Variants in THSD4 observed in about 807,000 individuals in gnomAD.
The protein encoded by THSD4 is thrombospondin type 1 domain containing 4, also known as thrombospondin type-1 domain-containing protein 4.
In THSD4, 69 loss-of-function variants were observed where a neutral mutation model predicts 119.0. That is an observed-to-expected ratio of 0.58 (90% CI 0.48 to 0.71). The LOEUF (loss-of-function observed/expected upper bound fraction) is 0.71, where lower values mean the gene tolerates loss of function less well. Among genes scored for constraint, THSD4 ranks in the 30% least tolerant of loss-of-function variants. THSD4 has a pLI of 0.00. For missense variants in THSD4, 1,393 were observed against 1,391.1 expected (o/e 1.00, Z -0.02); for synonymous variants, 524 against 540.4 (o/e 0.97, Z 0.42).
At chr15:71,209,678 A>AT (rs1270554945) in intron 3 of THSD4, among the ~76,000 whole-genome samples, 1 of 151,832 alleles carries the variant, frequency 6.6e-6, no homozygotes, top group Non-Finnish European at 1.5e-5. Context: ...TTTACCCTAG[A>AT]TTTTCTTAGG....
chr15:71,564,587 C>A (rs1030720019), intron 7 of THSD4, among the ~76,000 whole-genome samples: 6 of 150,500 alleles, frequency 4.0e-5, no homozygotes, highest in East Asian at 1.9e-4. Flanking sequence ...AATTTGGATT[C>A]TTTTGGATAT....
At chr15:71,490,962 A>G (rs1180552942) in intron 7 of THSD4, among the ~76,000 whole-genome samples, 2 of 152,230 alleles carry the variant, frequency 1.3e-5, no homozygotes, top group Non-Finnish European at 2.9e-5. Context: ...TGGCCCCTTA[A>G]TAGAAAGGGT....
intron 7 of THSD4, among the ~76,000 whole-genome samples, chr15:71,625,397 G>C (rs2050490268): frequency 6.6e-6 from 1 of 152,188 alleles, no homozygotes; most frequent in African/African-American, 2.4e-5. Context: ...GGCTCTTCAA[G>C]AGACTAAATC....
chr15:71,424,705 C>A (rs6494924), intron 7 of THSD4, among the ~76,000 whole-genome samples: 93,676 of 152,070 alleles, frequency 0.62, 29,162 homozygotes, highest in African/African-American at 0.71. Context: ...ATTATAATTT[C>A]TATTATTAAA....
chr15:71,347,126 G>T (rs143457369), intron 6 of THSD4, among the ~76,000 whole-genome samples: 2 of 152,118 alleles, frequency 1.3e-5, no homozygotes, highest in South Asian at 4.2e-4. Flanking sequence ...TGCCCGCCTC[G>T]GTGTCCCAAA....
intron 4 of THSD4, among the ~76,000 whole-genome samples, chr15:71,227,757 C>T (rs1011783427): frequency 6.6e-6 from 1 of 152,190 alleles, no homozygotes; most frequent in African/African-American, 2.4e-5. Context: ...CCACCCCGAG[C>T]CCACAATGTG....
intron 7 of THSD4, among the ~76,000 whole-genome samples, chr15:71,644,523 A>C (rs891050528): frequency 2.7e-5 from 4 of 150,580 alleles, no homozygotes; most frequent in South Asian, 2.1e-4. Flanking sequence ...CCAGATTTAC[A>C]AAAAAAAATT....
chr15:71,575,484 A>C (rs1261412659), intron 7 of THSD4, among the ~76,000 whole-genome samples: 1 of 152,234 alleles, frequency 6.6e-6, no homozygotes, highest in African/African-American at 2.4e-5. Context: ...TAAAATCACT[A>C]AAATGAATGA....
chr15:71,464,428 A>G (rs1019540316), intron 7 of THSD4, among the ~76,000 whole-genome samples: 2 of 152,278 alleles, frequency 1.3e-5, no homozygotes, highest in African/African-American at 2.4e-5. Flanking sequence ...ACTGGTAACA[A>G]TGAGTTTCAG....
At chr15:71,738,156 G>T (rs895963506) in intron 11 of THSD4, 149 bp downstream of exon 11, 4 of 1,126,282 alleles carry the variant, frequency 3.6e-6, no homozygotes, top group Non-Finnish European at 5.0e-6. Context: ...GGGGTTGGGG[G>T]ATGGTTTCTG....
chr15:71,160,990 C>A (rs765514758), intron 3 of THSD4, among the ~76,000 whole-genome samples: 6 of 151,918 alleles, frequency 3.9e-5, no homozygotes, highest in Non-Finnish European at 8.8e-5. Context: ...ATTAAAATTT[C>A]CCTTTTAATT....
At chr15:71,628,059 T>C (rs2050542813) in intron 7 of THSD4, among the ~76,000 whole-genome samples, 1 of 152,220 alleles carries the variant, frequency 6.6e-6, no homozygotes, top group African/African-American at 2.4e-5. Flanking sequence ...TAGGATCACC[T>C]GGGAAACATT....
chr15:71,430,596 A>C (rs1393664956), intron 7 of THSD4, among the ~76,000 whole-genome samples: 1 of 151,884 alleles, frequency 6.6e-6, no homozygotes, highest in African/African-American at 2.4e-5. Flanking sequence ...GTCTCTACTA[A>C]AAATACTAAA....
At chr15:71,605,263 A>G (rs1402371760) in intron 7 of THSD4, among the ~76,000 whole-genome samples, 1 of 152,204 alleles carries the variant, frequency 6.6e-6, no homozygotes, top group Non-Finnish European at 1.5e-5. Context: ...TTTGCCTGGG[A>G]CCATCCACAT....
At chr15:71,702,615 A>T (rs560090208) in intron 8 of THSD4, among the ~76,000 whole-genome samples, 1 of 152,294 alleles carries the variant, frequency 6.6e-6, no homozygotes, top group South Asian at 2.1e-4. Context: ...AGCCAACATG[A>T]TTATGTCTCT....
At chr15:71,648,376 C>T (rs2051014359) in intron 7 of THSD4, among the ~76,000 whole-genome samples, 1 of 152,182 alleles carries the variant, frequency 6.6e-6, no homozygotes, top group South Asian at 2.1e-4. Context: ...AAGACCATGA[C>T]CCTACATGCC....
At chr15:71,686,417 A>G (rs1329761717) in intron 8 of THSD4, among the ~76,000 whole-genome samples, 1 of 152,214 alleles carries the variant, frequency 6.6e-6, no homozygotes, top group Non-Finnish European at 1.5e-5. Context: ...AGGGCTATAC[A>G]GTTTATACCA....
chr15:71,554,034 T>A (rs2048975759), intron 7 of THSD4, among the ~76,000 whole-genome samples: 1 of 151,988 alleles, frequency 6.6e-6, no homozygotes, highest in African/African-American at 2.4e-5. Context: ...AAGTCTTTCA[T>A]CTTTTTGTAT....
intron 1 of THSD4, among the ~76,000 whole-genome samples, chr15:71,139,503 CCTGGTGGATCT>C (rs2040581703): frequency 2.0e-5 from 3 of 152,168 alleles, no homozygotes; most frequent in Admixed American, 2.0e-4. Flanking sequence ...TGGCCTTCTT[CCTGGTGGATCT>C]CAGTGTAATT....
Sources: gnomAD v4.1 joint callset for allele counts (sites outside exome capture counted in the v4.1 genomes callset) on GRCh38, gnomAD v4.1.1 for gene constraint, MANE v1.5 for transcripts, NCBI Gene and HGNC (gene_info 2026-07-23, HGNC 2026-07-21) for gene names.